Variants in CACNG2 observed in about 807,000 individuals in gnomAD.
CACNG2 encodes the protein calcium voltage-gated channel auxiliary subunit gamma 2, also known as voltage-dependent calcium channel gamma-2 subunit.
A neutral mutation model predicts 25.9 loss-of-function variants in CACNG2; 3 were observed. That is an observed-to-expected ratio of 0.12 (90% CI 0.05 to 0.30). CACNG2 has a LOEUF of 0.30. CACNG2 is among the 10% of genes least tolerant of loss of function. CACNG2 has a pLI of 1.00. For missense variants in CACNG2, 341 were observed against 432.5 expected, an observed-to-expected ratio of 0.79 and a Z score of 1.88; for synonymous variants, 167 against 173.3, an observed-to-expected ratio of 0.96 and a Z score of 0.29.
intron 2 of CACNG2, among the ~76,000 whole-genome samples, chr22:36,568,803 T>C (rs932673939): frequency 2.0e-5 from 3 of 151,804 alleles, no homozygotes; most frequent in Non-Finnish European, 4.4e-5. Context: ...AGTGGGTTAT[T>C]TGGGGGGGAC....
At chr22:36,645,242 G>A (rs1040873858) in intron 1 of CACNG2, among the ~76,000 whole-genome samples, 2 of 152,104 alleles carry the variant, frequency 1.3e-5, no homozygotes, top group East Asian at 1.9e-4. Context: ...CAAAGCAACC[G>A]AGAAATTCTC....
rs1032583893 is a variant in CACNG2, at chr22:36,624,962, A to G, written c.212-37414T>C. On this transcript the variant is annotated intron_variant, in intron 1 of 3. Transcript: ENST00000300105. ...AGAATCGCTCGAACCAGTGAGTTGG[A>G]GGTTGCCGTGAGCCGAGATCATGCC... 4.3e-5 allele frequency among the ~76,000 whole-genome samples: 6 copies of G among 140,734 alleles called. No homozygotes were observed. In the East Asian group the frequency reaches 1.1e-3, roughly 27 times the overall value. The allele number at this position is 140,734 out of a possible 152,430, so 92.3% of individuals were successfully genotyped here. A position where few individuals can be genotyped will look rare whatever the true frequency, so the allele number is the denominator to read the frequency against.
intron 1 of CACNG2, among the ~76,000 whole-genome samples, chr22:36,607,997 G>A (rs927153303): frequency 3.3e-5 from 5 of 152,166 alleles, no homozygotes; most frequent in South Asian, 2.1e-4. Flanking sequence ...AAGGAGTCCC[G>A]TAAGCATCTC....
chr22:36,626,784 C>T (rs772694507), intron 1 of CACNG2, among the ~76,000 whole-genome samples: 1 of 152,186 alleles, frequency 6.6e-6, no homozygotes, highest in Admixed American at 6.5e-5. Flanking sequence ...TGTAGCTATA[C>T]ATAGGGAGAT....
intron 1 of CACNG2, among the ~76,000 whole-genome samples, chr22:36,591,912 A>C (rs1310902209): frequency 6.6e-6 from 1 of 152,016 alleles, no homozygotes; most frequent in African/African-American, 2.4e-5. Context: ...CGAAATGGGA[A>C]GCAGGATCAT....
At chr22:36,651,941 G>C (rs1484442060) in intron 1 of CACNG2, among the ~76,000 whole-genome samples, 1 of 152,088 alleles carries the variant, frequency 6.6e-6, no homozygotes, top group Non-Finnish European at 1.5e-5. Context: ...TCGGCTCACT[G>C]CAACCTCCGT....
rs117136464 is a variant in CACNG2 at position 36,640,695 on chromosome 22, C to T, written c.212-53147G>A. The stretch of plus-strand genomic sequence containing the variant: ...GTCACTGCAGCTGTCTCCCAAAGGG[C>T]CTCTTTGTTTCCGCGCTTGTTCCTG... On this transcript the variant is annotated intron_variant, in intron 1 of 3. Transcript: ENST00000300105. Among the ~76,000 whole-genome samples, 1,373 of 152,354 alleles carry T rather than the reference C, an allele frequency of 9.0e-3. 6 individuals carry two copies. Among genetic ancestry groups the T allele is most frequent in the Non-Finnish European group, 0.015 (1,022 of 68,034 alleles).
At chr22:36,671,820 AACCC>A (rs1243676427) in intron 1 of CACNG2, among the ~76,000 whole-genome samples, 7 of 152,172 alleles carry the variant, frequency 4.6e-5, no homozygotes, top group Non-Finnish European at 1.0e-4. Context: ...CTTTTCAGGC[AACCC>A]AAAATTTGGG....
intron 1 of CACNG2, among the ~76,000 whole-genome samples, chr22:36,628,444 T>C (rs905875023): frequency 6.6e-6 from 1 of 152,232 alleles, no homozygotes; most frequent in Non-Finnish European, 1.5e-5. Flanking sequence ...GTGCAAACAC[T>C]AGTTATAACG....
intron 1 of CACNG2, among the ~76,000 whole-genome samples, chr22:36,684,666 A>C (rs76341837): frequency 2.2e-4 from 33 of 152,124 alleles, no homozygotes; most frequent in Non-Finnish European, 4.1e-4. Context: ...GATTAATAAC[A>C]GTCCTGATTT....
intron 1 of CACNG2, among the ~76,000 whole-genome samples, chr22:36,613,311 G>C (rs1935974565): frequency 6.6e-6 from 1 of 152,204 alleles, no homozygotes; most frequent in Admixed American, 6.5e-5. Context: ...TAATGAAAAA[G>C]CAAAATGCAA....
chr22:36,693,830 C>T (rs774755762), intron 1 of CACNG2, among the ~76,000 whole-genome samples: 1 of 152,200 alleles, frequency 6.6e-6, no homozygotes, highest in Non-Finnish European at 1.5e-5. Flanking sequence ...TCCCTTCCTC[C>T]CCAATCCCTG....
intron 1 of CACNG2, among the ~76,000 whole-genome samples, chr22:36,631,598 A>G (rs1936271925): frequency 6.6e-6 from 1 of 152,084 alleles, no homozygotes; most frequent in Non-Finnish European, 1.5e-5. Flanking sequence ...CCTTGTTTTT[A>G]TCTAAAAGCA....
intron 1 of CACNG2, among the ~76,000 whole-genome samples, chr22:36,623,045 ATC>A (rs1162433513): frequency 2.8e-4 from 28 of 101,008 alleles, no homozygotes; most frequent in African/African-American, 8.7e-4. Flanking sequence ...TTGAGACAGG[ATC>A]TCTCTCTCTC....
intron 2 of CACNG2, among the ~76,000 whole-genome samples, chr22:36,581,972 T>G (rs9622420): frequency 0.2 from 30,304 of 152,222 alleles, 3,652 homozygotes; most frequent in Admixed American, 0.28. Flanking sequence ...CATCCTTGCC[T>G]CCTTCCTTTG....
At chr22:36,620,105 C>T (rs957362451) in intron 1 of CACNG2, among the ~76,000 whole-genome samples, 11 of 152,236 alleles carry the variant, frequency 7.2e-5, no homozygotes, top group Non-Finnish European at 1.6e-4. Context: ...CACACACACA[C>T]AGTGCCTGGA....
intron 1 of CACNG2, among the ~76,000 whole-genome samples, chr22:36,687,867 GAAATGGCCAGC>G (rs2146010798): frequency 6.6e-6 from 1 of 152,264 alleles, no homozygotes; most frequent in East Asian, 1.9e-4. Flanking sequence ...GTAGGAGCTA[GAAATGGCCAGC>G]AAGTAGATTC....
intron 1 of CACNG2, among the ~76,000 whole-genome samples, chr22:36,621,569 C>CAA (rs386395348): frequency 0.23 from 26,893 of 118,522 alleles, 3,791 homozygotes; most frequent in African/African-American, 0.44. Flanking sequence ...GATTTTGCCT[C>CAA]AAAAAAAAAA....
At chr22:36,571,421 C>T (rs1454314936) in intron 2 of CACNG2, among the ~76,000 whole-genome samples, 3 of 151,892 alleles carry the variant, frequency 2.0e-5, no homozygotes, top group African/African-American at 7.3e-5. Flanking sequence ...TTCGCCACTG[C>T]ACTCTAGCCT....
Sources: allele counts gnomAD v4.1 joint callset (sites outside exome capture counted in the v4.1 genomes callset), GRCh38; gene constraint gnomAD v4.1.1; transcripts MANE v1.5; gene names NCBI Gene and HGNC (gene_info 2026-07-23, HGNC 2026-07-21).